LONP1: variants seen among roughly 807,000 people sequenced by gnomAD.
LONP1 encodes the protein lon peptidase 1, mitochondrial.
In LONP1, 31 loss-of-function variants were observed where a neutral mutation model predicts 98.5. That is an observed-to-expected ratio of 0.31 (90% CI 0.24 to 0.42). The LOEUF is 0.42. LONP1 is among the 20% of genes least tolerant of loss of function. The pLI is 1.00. For synonymous variants in LONP1, 781 were observed against 594.7 expected (o/e 1.31, Z -4.56); for missense variants, 1,336 against 1,350.6 (o/e 0.99, Z 0.17).
intron 6 of LONP1, among the ~76,000 whole-genome samples, chr19:5,707,387 C>G (rs1472900563): frequency 6.6e-6 from 1 of 152,194 alleles, no homozygotes; most frequent in East Asian, 1.9e-4. Flanking sequence ...CTGCTCACAA[C>G]AGCAAAAGAC....
In LONP1 at chr19:5,694,454, G is replaced by C; in HGVS notation, c.2253C>G (p.Phe751Leu). The change falls in exon 15 of 18, where the codon TTC (phenylalanine) becomes TTG (leucine). Residue 751 changes from phenylalanine to leucine, a missense_variant. Around this residue, in one of 5 missense-constraint regions of LONP1, gnomAD observed 555 missense variants for 542.6 expected, o/e 1.02. Transcript: ENST00000360614. ...NLQDFVGKPVFTVERMYDVTP... is the reference protein window; with the variant it reads ...NLQDFVGKPVLTVERMYDVTP... ...TCACGTCATACATGCGCTCCACGGTGAACACGGGCTTCCCCACGAAGTCCT... is the reference window on the plus strand; with the variant it reads ...TCACGTCATACATGCGCTCCACGGTCAACACGGGCTTCCCCACGAAGTCCT... The C allele has an allele frequency of 6.2e-7, 1 of 1,613,432 alleles. No individual in the cohort carries two copies. Among genetic ancestry groups the C allele is most frequent in the Non-Finnish European group, 8.5e-7 (1 of 1,179,994 alleles).
At position 5,696,111 on chromosome 19, in the gene LONP1, A is replaced by G. The variant is rs2145583451; in HGVS notation, c.1956T>C (p.Arg652=). Residue 652 remains arginine, a synonymous_variant, in exon 13 of 18, where the codon CGT becomes CGC. Transcript: ENST00000360614. ...TDTIPEPLRD[R]MEMINVSGYV... ...AGCCCGACACGTTGATCATCTCCAT[A>G]CGGTCTCGCAGCGGCTCGGGGATGG... 4 of 1,613,048 alleles carry G rather than the reference A, an allele frequency of 2.5e-6. No individual in the cohort carries two copies. Among genetic ancestry groups the G allele is most frequent in the Non-Finnish European group, 3.4e-6 (4 of 1,179,894 alleles).
chr19:5,720,292 G>C (rs1018860204), upstream of LONP1: 4 of 1,035,498 alleles, frequency 3.9e-6, no homozygotes, highest in South Asian at 4.1e-5. Context: ...CGGAGTTCGA[G>C]CATCGGATCG....
At position 5,694,339 on chromosome 19, in the gene LONP1, G is replaced by C. The variant is rs780726244; in HGVS notation, c.2320+48C>G. On this transcript the variant is annotated intron_variant, in intron 15 of 17. Coordinates refer to ENST00000360614, the MANE Select transcript of LONP1 (RefSeq NM_004793.4). ...ACAAGGTGGGACCTGCTTGTTCTCG[G>C]GTAGAAATGGGAATGGCTTTGGGGT... The C allele has an allele frequency of 6.9e-6, 11 of 1,600,410 alleles. No homozygotes were observed. In the South Asian group the frequency reaches 1.1e-4, roughly 16 times the overall value.
chr19:5,698,054 CCCCTG>C lies in LONP1; in HGVS notation c.1685+968_1685+972del, dbSNP rs796977266. Among the ~76,000 whole-genome samples, 5 of 142,644 alleles carry C rather than the reference CCCCTG, an allele frequency of 3.5e-5. 1 individual carries two copies. Among genetic ancestry groups the C allele is most frequent in the African/African-American group, 1.3e-4 (5 of 38,676 alleles). 93.6% of individuals were successfully genotyped at this position (142,644 alleles called of 152,430 possible). A position where few individuals can be genotyped will look rare whatever the true frequency, so the allele number is the denominator to read the frequency against. On this transcript the variant is annotated intron_variant, in intron 10 of 17. Coordinates refer to ENST00000360614, the MANE Select transcript of LONP1 (RefSeq NM_004793.4). ...CCAACCAAGGGCCTGCAGAACAGGT[CCCCTG>C]TCCTCCCCCTCACACCCCCCACCCC...
chr19:5,696,139 T>C lies in LONP1; in HGVS notation c.1928A>G (p.Asp643Gly). ...GTCTCGCAGCGGCTCGGGGATGGTG[T>C]CCGTGACGTTGGCCGTGCAGATGAA... is the stretch of plus-strand genomic sequence containing the variant. ...VLFICTANVT[D>G]TIPEPLRDRM... Residue 643 changes from aspartate (D) to glycine (G), a missense_variant, in exon 13 of 18, where the codon GAC (aspartate) becomes GGC (glycine). Asp to Gly is a moderately conservative substitution (Grantham distance 94). Transcript: ENST00000360614. 1.2e-6 allele frequency: 2 copies of C among 1,612,872 alleles called. No homozygotes were observed. Among genetic ancestry groups the C allele is most frequent in the Non-Finnish European group, 1.7e-6 (2 of 1,179,882 alleles).
chr19:5,706,546 G>A (rs1395845231), intron 7 of LONP1, among the ~76,000 whole-genome samples: 1 of 152,080 alleles, frequency 6.6e-6, no homozygotes, highest in Non-Finnish European at 1.5e-5. Context: ...GGTGGAGGCT[G>A]TAGTGAGCTG....
At chr19:5,711,263 C>T (rs934380913) in intron 4 of LONP1, among the ~76,000 whole-genome samples, 6 of 152,246 alleles carry the variant, frequency 3.9e-5, no homozygotes, top group Non-Finnish European at 7.3e-5. Context: ...TGGTTAGCTT[C>T]GCTGACTGTC....
chr19:5,715,206 T>C (rs775025284), intron 1 of LONP1, among the ~76,000 whole-genome samples: 2 of 152,100 alleles, frequency 1.3e-5, no homozygotes, highest in East Asian at 1.9e-4. Flanking sequence ...TGATTTAACA[T>C]CCAGCTTCAA....
chr19:5,712,238 A>T (rs1201190113), intron 3 of LONP1, among the ~76,000 whole-genome samples: 2 of 152,124 alleles, frequency 1.3e-5, no homozygotes, highest in African/African-American at 4.8e-5. Flanking sequence ...CCTGCATCCC[A>T]CGCCAATGCA....
intron 4 of LONP1, among the ~76,000 whole-genome samples, chr19:5,710,134 A>T (rs553980956): frequency 1.1e-3 from 167 of 148,220 alleles, no homozygotes; most frequent in Non-Finnish European, 2.0e-3. Flanking sequence ...CCCAGGCTGG[A>T]ATGCAATAGT....
chr19:5,700,757 C>T (rs759786939), intron 9 of LONP1, 32 bp downstream of exon 9: 4 of 1,612,350 alleles, frequency 2.5e-6, no homozygotes, highest in Admixed American at 1.7e-5. Flanking sequence ...CACCCACATG[C>T]AAATCCACAA....
At chr19:5,713,040 G>A in intron 3 of LONP1, 94 bp downstream of exon 3, 1 of 1,561,544 alleles carries the variant, frequency 6.4e-7, no homozygotes, top group Non-Finnish European at 8.8e-7. Flanking sequence ...CTGACGGACA[G>A]GGCAGAGGCT....
In LONP1 at chr19:5,713,150, C is replaced by T. The variant is rs761610635; in HGVS notation, c.622G>A (p.Val208Ile). ...GCCACCCACCTTCTGTGTCCCATGACGATCATGCGCAGCTTGTCCCCAAGG... is the reference window on the plus strand; with the variant it reads ...GCCACCCACCTTCTGTGTCCCATGATGATCATGCGCAGCTTGTCCCCAAGG... ...QDLGDKLRMI[V>I]MGHRRVHISR... Residue 208 changes from valine to isoleucine, a missense_variant, in exon 3 of 18, where the codon GTC becomes ATC. Coordinates refer to ENST00000360614, the MANE Select transcript of LONP1 (RefSeq NM_004793.4). The T allele has an allele frequency of 5.6e-6, 9 of 1,613,482 alleles. No homozygotes were observed. The highest frequency in any genetic ancestry group is 5.3e-5 in the African/African-American group (4 of 74,900).
chr19:5,692,162 T>A lies in LONP1; in HGVS notation c.2750A>T (p.Lys917Met). ...VTCIVLPAEN[K>M]KDFYDLAAFI... ...GGCTGCCAGGTCGTAGAAGTCCTTC[T>A]TGTTCTCGGCTGGCAGGACGATGCA... The change falls in exon 18 of 18, where the codon AAG (lysine) becomes ATG (methionine). Residue 917 changes from lysine (K) to methionine (M), a missense_variant. Transcript: ENST00000360614. 1 of 1,614,090 alleles carries A rather than the reference T, an allele frequency of 6.2e-7. No individual in the cohort carries two copies. Among genetic ancestry groups the A allele is most frequent in the Non-Finnish European group, 8.5e-7 (1 of 1,179,968 alleles).
At chr19:5,705,386 A>G (rs1202815885) in intron 8 of LONP1, among the ~76,000 whole-genome samples, 1 of 151,788 alleles carries the variant, frequency 6.6e-6, no homozygotes, top group Non-Finnish European at 1.5e-5. Context: ...TGAACCCGCA[A>G]AGCGGAAGTT....
At chr19:5,701,329 C>T (rs2055038509) in intron 8 of LONP1, among the ~76,000 whole-genome samples, 1 of 152,140 alleles carries the variant, frequency 6.6e-6, no homozygotes, top group South Asian at 2.1e-4. Flanking sequence ...TCTGCCTCTC[C>T]CCTTTCCACG....
chr19:5,719,645 G>A (rs1208959493), intron 1 of LONP1, 59 bp downstream of exon 1: 13 of 1,612,328 alleles, frequency 8.1e-6, no homozygotes, highest in African/African-American at 1.3e-5. Flanking sequence ...TGATCCCACG[G>A]TTCAGCCCGC....
chr19:5,698,068 C>G (rs1278904963), intron 10 of LONP1, among the ~76,000 whole-genome samples: 1 of 149,098 alleles, frequency 6.7e-6, no homozygotes, highest in South Asian at 2.2e-4. Flanking sequence ...TGTCCTCCCC[C>G]TCACACCCCC....
Sources: allele counts gnomAD v4.1 joint callset (sites outside exome capture counted in the v4.1 genomes callset), GRCh38; gene constraint gnomAD v4.1.1; regional missense constraint gnomAD v4.1.1; transcripts MANE v1.5; gene names NCBI Gene and HGNC (gene_info 2026-07-23, HGNC 2026-07-21).